CR1: variants seen among roughly 807,000 people sequenced by gnomAD.
CR1 encodes the protein complement receptor type 1.
A neutral mutation model predicts 187.3 loss-of-function variants in CR1; 116 were observed. The ratio of observed to expected loss-of-function variants is 0.62; its 90% CI spans 0.53 to 0.72. The LOEUF is 0.72. Among genes scored for constraint, CR1 ranks in the 30% least tolerant of loss-of-function variants. The probability of loss-of-function intolerance (pLI) is 0.00; values close to 1 mark genes in which losing one functional copy is unlikely to be tolerated. For missense variants in CR1, 1,731 were observed against 2,110.7 expected, an observed-to-expected ratio of 0.82 and a Z score of 3.52; for synonymous variants, 576 against 747.1, an observed-to-expected ratio of 0.77 and a Z score of 3.73.
intron 35 of CR1, chr1:207,598,903 T>C (rs1039933348): frequency 1.3e-5 from 2 of 152,168 alleles, no homozygotes; most frequent in Non-Finnish European, 2.9e-5. Flanking sequence ...ATACACAGCA[T>C]CTTGGAGTTG....
intron 45 of CR1, among the ~76,000 whole-genome samples, chr1:207,624,555 T>C (rs11118194): frequency 0.092 from 13,975 of 152,232 alleles, 2,134 homozygotes; most frequent in African/African-American, 0.32. Flanking sequence ...AAAAAGTAGT[T>C]TGTCATAGTA....
At chr1:207,584,931 C>A in intron 33 of CR1, 55 bp downstream of exon 33, 2 of 1,597,636 alleles carry the variant, frequency 1.3e-6, no homozygotes, top group South Asian at 1.1e-5. Flanking sequence ...GGACCCAATC[C>A]CTCATGTTTC....
intron 4 of CR1, among the ~76,000 whole-genome samples, chr1:207,514,770 T>A (rs1659731153): frequency 6.6e-6 from 1 of 152,038 alleles, no homozygotes; most frequent in Non-Finnish European, 1.5e-5. Context: ...TTAATAAGAT[T>A]TTGATATCAA....
chr1:207,625,010 A>C (rs1404176440), intron 45 of CR1, among the ~76,000 whole-genome samples: 1 of 152,152 alleles, frequency 6.6e-6, no homozygotes, highest in African/African-American at 2.4e-5. Flanking sequence ...ATTCTTCATT[A>C]CTTATGGTCC....
chr1:207,504,035 T>A (rs767300680), intron 1 of CR1, among the ~76,000 whole-genome samples: 2 of 152,234 alleles, frequency 1.3e-5, no homozygotes, highest in African/African-American at 2.4e-5. Flanking sequence ...CACTTCAAAC[T>A]GCAAAAGTTA....
intron 35 of CR1, among the ~76,000 whole-genome samples, chr1:207,592,802 GACAA>G (rs1161239606): frequency 2.6e-5 from 4 of 151,960 alleles, no homozygotes; most frequent in African/African-American, 9.7e-5. Flanking sequence ...ACCAATAATA[GACAA>G]ACAGCGAGCC....
At chr1:207,585,903 G>A (rs1025131384) in intron 33 of CR1, among the ~76,000 whole-genome samples, 7 of 152,120 alleles carry the variant, frequency 4.6e-5, no homozygotes, top group African/African-American at 1.4e-4. Flanking sequence ...TTTGGAGGCC[G>A]AGGTGAGAGG....
intron 1 of CR1, among the ~76,000 whole-genome samples, chr1:207,503,773 TC>T (rs1193625521): frequency 1.3e-5 from 2 of 152,188 alleles, no homozygotes; most frequent in East Asian, 3.8e-4. Context: ...CTCTGAGAGG[TC>T]CTTACTTAGC....
intron 32 of CR1, 79 bp downstream of exon 32, chr1:207,582,082 T>A: frequency 9.8e-7 from 1 of 1,022,346 alleles, no homozygotes; most frequent in South Asian, 1.5e-5. Flanking sequence ...GATTATCTAT[T>A]GTTTGTCCCG....
At chr1:207,634,033 G>T (rs1359744913) in intron 46 of CR1, among the ~76,000 whole-genome samples, 4 of 152,106 alleles carry the variant, frequency 2.6e-5, no homozygotes, top group Non-Finnish European at 4.4e-5. Context: ...ATCACTTAAG[G>T]CAAGGACCGG....
intron 27 of CR1, among the ~76,000 whole-genome samples, chr1:207,572,902 T>A (rs998519781): frequency 6.6e-6 from 1 of 151,056 alleles, no homozygotes; most frequent in Non-Finnish European, 1.5e-5. Flanking sequence ...GTCTGTGTCC[T>A]CATATGCTGT....
At position 207,607,337 on chromosome 1, in the gene CR1, G is replaced by A. The variant is rs914490271; in HGVS notation, c.5896+1G>A. 13 of 1,606,492 alleles carry A rather than the reference G, an allele frequency of 8.1e-6. No individual in the cohort carries two copies. The Admixed American group carries it at 1.3e-4, about 16-fold the overall frequency. ...GATAAGAAGGCACCTATTTGTGAGA[G>A]TAAGTTGAAATACTTTTCTCCACAA... On this transcript the variant is annotated splice_donor_variant, in intron 36 of 46. Coordinates refer to ENST00000367049, the MANE Select transcript of CR1 (RefSeq NM_000651.6). LOFTEE classifies it high-confidence loss of function.
At chr1:207,521,837 CTT>C (rs200281210) in intron 4 of CR1, among the ~76,000 whole-genome samples, 2 of 137,646 alleles carry the variant, frequency 1.5e-5, no homozygotes, top group Non-Finnish European at 1.6e-5. Flanking sequence ...TGTATATATA[CTT>C]TTTTTTTTTT....
intron 35 of CR1, 146 bp downstream of exon 35, chr1:207,588,920 A>C: frequency 4.9e-6 from 3 of 611,690 alleles, no homozygotes; most frequent in Non-Finnish European, 8.6e-6. Flanking sequence ...GATACGTTGG[A>C]CATAGCCATA....
chr1:207,511,221 T>A (rs1476498294), intron 3 of CR1, among the ~76,000 whole-genome samples: 5 of 152,188 alleles, frequency 3.3e-5, no homozygotes, highest in African/African-American at 1.2e-4. Context: ...CAGGACTGTA[T>A]ACACACATAT....
chr1:207,589,581 G>A (rs1399763995), intron 35 of CR1, among the ~76,000 whole-genome samples: 2 of 152,170 alleles, frequency 1.3e-5, no homozygotes, highest in Non-Finnish European at 2.9e-5. Context: ...CTCCTTGCCA[G>A]CAAGAGAACA....
At chr1:207,589,341 A>G (rs536445030) in intron 35 of CR1, among the ~76,000 whole-genome samples, 1 of 152,328 alleles carries the variant, frequency 6.6e-6, no homozygotes, top group East Asian at 1.9e-4. Context: ...ACCTCCATCA[A>G]ACTCCAGCAG....
chr1:207,498,977 A>C (rs1267907241), intron 1 of CR1, among the ~76,000 whole-genome samples: 1 of 151,904 alleles, frequency 6.6e-6, no homozygotes, highest in African/African-American at 2.4e-5. Context: ...AAGAGAAAAA[A>C]AGCAACAAAT....
chr1:207,580,486 C>CT (rs75072508), intron 30 of CR1, 25 bp from the exon 31 acceptor site: 145,174 of 1,106,904 alleles, frequency 0.13, no homozygotes, highest in South Asian at 0.14. Flanking sequence ...CCTATTTTTT[C>CT]TTTTTTTTTT....
Sources: allele counts gnomAD v4.1 joint callset (sites outside exome capture counted in the v4.1 genomes callset), GRCh38; gene constraint gnomAD v4.1.1; transcripts MANE v1.5; gene names NCBI Gene and HGNC (gene_info 2026-07-23, HGNC 2026-07-21).